Variants in GRM7 observed in about 807,000 individuals in gnomAD.
GRM7 encodes metabotropic glutamate receptor 7.
A neutral mutation model predicts 84.5 loss-of-function variants in GRM7; 35 were observed. The ratio of observed to expected loss-of-function variants is 0.41; its 90% CI spans 0.32 to 0.55. The LOEUF is 0.55. GRM7 is among the 20% of genes least tolerant of loss of function. The pLI is 0.19. For missense variants in GRM7, 1,003 were observed against 1,194.6 expected, an observed-to-expected ratio of 0.84 and a Z score of 2.36; for synonymous variants, 487 against 455.1, an observed-to-expected ratio of 1.07 and a Z score of -0.89.
chr3:7,486,278 G>A lies in GRM7; in HGVS notation c.1515+24556G>A, dbSNP rs1699318660. ...TGTTTTTGCTTCCCAAGAAATGATG[G>A]TAATGATAATGGCGATGATGGTGAT... On this transcript the variant is annotated intron_variant, in intron 7 of 9. Coordinates refer to ENST00000357716, the MANE Select transcript of GRM7 (RefSeq NM_000844.4). The surrounding 1 kb of genome is among the most constrained non-coding windows in gnomAD (Gnocchi z 5.5). 6.6e-6 allele frequency among the ~76,000 whole-genome samples: 1 copy of A among 152,062 alleles called. No homozygotes were observed. The highest frequency in any genetic ancestry group is 2.4e-5 in the African/African-American group (1 of 41,398).
chr3:7,124,193 A>G lies in GRM7; in HGVS notation c.520-22259A>G, dbSNP rs79290380. 2.0e-3 allele frequency among the ~76,000 whole-genome samples: 302 copies of G among 152,326 alleles called. 2 individuals are homozygous for G. The highest frequency in any genetic ancestry group is 0.016 in the Admixed American group (240 of 15,296). On this transcript the variant is annotated intron_variant, in intron 1 of 9. Coordinates refer to ENST00000357716, the MANE Select transcript of GRM7 (RefSeq NM_000844.4). ...AAAGACATTAAATCAGAAATTCTAT[A>G]TTCTGACCAATAATGGTACTCCCTG...
At chr3:7,402,874 G>T (rs1695511186) in intron 4 of GRM7, among the ~76,000 whole-genome samples, 2 of 149,436 alleles carry the variant, frequency 1.3e-5, no homozygotes, top group African/African-American at 2.5e-5. Flanking sequence ...CCTTCAAAAG[G>T]TTGCTTTCTT....
intron 8 of GRM7, among the ~76,000 whole-genome samples, chr3:7,670,485 T>C (rs192217453): frequency 6.6e-6 from 1 of 152,344 alleles, no homozygotes; most frequent in Admixed American, 6.5e-5. Flanking sequence ...CATTGTCTTC[T>C]TGTCGATGAC....
chr3:7,582,723 A>G (rs11716647), intron 8 of GRM7, among the ~76,000 whole-genome samples: 87,922 of 151,870 alleles, frequency 0.58, 25,648 homozygotes, highest in African/African-American at 0.61. Flanking sequence ...CTAAATGACC[A>G]AATTGGGGCA....
intron 4 of GRM7, among the ~76,000 whole-genome samples, chr3:7,394,973 G>A (rs1188830849): frequency 6.6e-6 from 1 of 151,560 alleles, no homozygotes; most frequent in Non-Finnish European, 1.5e-5. Flanking sequence ...AGGAGGTGGA[G>A]GTTGCAGTGA....
intron 9 of GRM7, among the ~76,000 whole-genome samples, chr3:7,726,586 A>ATTCATT (rs1702134269): frequency 7.7e-6 from 1 of 130,356 alleles, no homozygotes; most frequent in South Asian, 2.5e-4. Context: ...ATGTTGCCAT[A>ATTCATT]TTCATTTTCT....
At chr3:7,178,964 G>A (rs1458867098) in intron 2 of GRM7, among the ~76,000 whole-genome samples, 1 of 152,006 alleles carries the variant, frequency 6.6e-6, no homozygotes, top group African/African-American at 2.4e-5. Flanking sequence ...ATACAAGCTG[G>A]GTGTGGTGGC....
chr3:7,035,046 G>A (rs1178481628), intron 1 of GRM7, among the ~76,000 whole-genome samples: 1 of 152,126 alleles, frequency 6.6e-6, no homozygotes, highest in Non-Finnish European at 1.5e-5. Flanking sequence ...GGTGGGCCAG[G>A]TCTGGAAGAG....
chr3:7,481,249 A>T (rs747049566), intron 7 of GRM7, among the ~76,000 whole-genome samples: 79 of 151,886 alleles, frequency 5.2e-4, no homozygotes, highest in Admixed American at 1.7e-3. Flanking sequence ...TGATTTTTTT[A>T]AATTTTTTTG....
intron 7 of GRM7, among the ~76,000 whole-genome samples, chr3:7,474,684 C>G (rs556992596): frequency 5.5e-4 from 83 of 152,014 alleles, no homozygotes; most frequent in Non-Finnish European, 9.9e-4. Context: ...GATTGTGGAG[C>G]CTAAAATGTA....
At chr3:7,458,635 G>T (rs934749517) in intron 6 of GRM7, among the ~76,000 whole-genome samples, 11 of 152,124 alleles carry the variant, frequency 7.2e-5, no homozygotes, top group Admixed American at 5.9e-4. Flanking sequence ...TTCTAACTAA[G>T]ATTGCAAGAA....
intron 4 of GRM7, among the ~76,000 whole-genome samples, chr3:7,345,516 T>C (rs183373082): frequency 6.6e-6 from 1 of 152,158 alleles, no homozygotes; most frequent in Non-Finnish European, 1.5e-5. Flanking sequence ...ACTCCTGACG[T>C]CAAGTGATCT....
intron 2 of GRM7, among the ~76,000 whole-genome samples, chr3:7,244,021 G>A (rs1697662618): frequency 6.6e-6 from 1 of 152,104 alleles, no homozygotes; most frequent in Non-Finnish European, 1.5e-5. Flanking sequence ...AAGTTGCTCT[G>A]GGTGAGTCAG....
At chr3:7,346,077 G>T (rs969638444) in intron 4 of GRM7, among the ~76,000 whole-genome samples, 6 of 152,042 alleles carry the variant, frequency 3.9e-5, no homozygotes, top group Non-Finnish European at 8.8e-5. Context: ...ATACCTAGGA[G>T]ACCTGTGGTA....
intron 4 of GRM7, among the ~76,000 whole-genome samples, chr3:7,344,435 A>G (rs1276964217): frequency 3.3e-5 from 5 of 152,114 alleles, no homozygotes; most frequent in Non-Finnish European, 4.4e-5. Context: ...CGTTCTTTTT[A>G]TGGCTGCATA....
chr3:7,489,723 A>G (rs1376625372), intron 7 of GRM7, among the ~76,000 whole-genome samples: 2 of 152,150 alleles, frequency 1.3e-5, no homozygotes, highest in African/African-American at 2.4e-5. Flanking sequence ...TTAGGTATAT[A>G]TAGTATGAAT....
intron 2 of GRM7, among the ~76,000 whole-genome samples, chr3:7,267,627 T>A (rs1698692660): frequency 1.3e-5 from 2 of 152,174 alleles, no homozygotes; most frequent in Non-Finnish European, 2.9e-5. Flanking sequence ...AAGGCTTTCA[T>A]CAGGTGCTGA....
At chr3:7,375,029 A>G (rs1694288552) in intron 4 of GRM7, among the ~76,000 whole-genome samples, 1 of 151,980 alleles carries the variant, frequency 6.6e-6, no homozygotes, top group Non-Finnish European at 1.5e-5. Context: ...CTCATTTTTC[A>G]GGTGGATGAT....
At chr3:7,410,606 C>T (rs1318613772) in intron 4 of GRM7, among the ~76,000 whole-genome samples, 203 of 139,150 alleles carry the variant, frequency 1.5e-3, no homozygotes, top group African/African-American at 6.0e-3. Context: ...TATACACACA[C>T]ACACACACAC....
Sources: allele counts gnomAD v4.1 joint callset (sites outside exome capture counted in the v4.1 genomes callset), GRCh38; gene constraint gnomAD v4.1.1; non-coding constraint Gnocchi (gnomAD v3.1); transcripts MANE v1.5; gene names NCBI Gene and HGNC (gene_info 2026-07-23, HGNC 2026-07-21).